The following TRPM6 variants were observed in gnomAD, a reference collection of about 807,000 sequenced individuals.
TRPM6 encodes transient receptor potential cation channel subfamily M member 6, also known as channel kinase 2.
In TRPM6, 111 loss-of-function variants were observed where a neutral mutation model predicts 247.6. That is an observed-to-expected ratio of 0.45 (90% CI 0.38 to 0.52). The LOEUF (loss-of-function observed/expected upper bound fraction) is 0.52. Ranked by LOEUF, TRPM6 falls within the 20% of genes least tolerant of loss-of-function variation. The probability of loss-of-function intolerance (pLI) is 0.00; values close to 1 mark genes in which losing one functional copy is unlikely to be tolerated. For missense variants in TRPM6, 2,126 were observed against 2,421.5 expected, an observed-to-expected ratio of 0.88 and a Z score of 2.56; for synonymous variants, 892 against 853.8, an observed-to-expected ratio of 1.04 and a Z score of -0.78.
chr9:74,727,323 A>G (rs1436794946), intron 38 of TRPM6, among the ~76,000 whole-genome samples: 1 of 142,928 alleles, frequency 7.0e-6, no homozygotes, highest in Non-Finnish European at 1.5e-5. Flanking sequence ...CGGAGGTTGT[A>G]GTGAGCTGAA....
chr9:74,797,015 C>T (rs1442981822), intron 17 of TRPM6, 122 bp from the exon 18 acceptor site: 12 of 874,374 alleles, frequency 1.4e-5, no homozygotes, highest in East Asian at 8.0e-5. Flanking sequence ...CAATTTTCAT[C>T]GCATTTCTAT....
Position 74,791,447 on chromosome 9 carries a change from C to T in TRPM6, c.2538+1177G>A, listed in dbSNP as rs75184936. ...TAGATAAGCATTAGAAAAATAAATG[C>T]TATGGGAGCACATGTTCTCAGATCT... On this transcript the variant is annotated intron_variant, in intron 19 of 38. Coordinates refer to ENST00000360774, the MANE Select transcript of TRPM6 (RefSeq NM_017662.5). Among the ~76,000 whole-genome samples the T allele has an allele frequency of 7.5e-3, 1,147 of 152,006 alleles. 9 individuals carry two copies. Among genetic ancestry groups the T allele is most frequent in the African/African-American group, 0.026 (1,097 of 41,452 alleles).
intron 3 of TRPM6, among the ~76,000 whole-genome samples, chr9:74,849,384 T>C (rs1830217615): frequency 6.7e-6 from 1 of 148,672 alleles, no homozygotes; most frequent in Admixed American, 6.7e-5. Context: ...TAAGTTAAAT[T>C]AAGTCATAAG....
chr9:74,825,458 C>CGTGT (rs5898381), intron 7 of TRPM6, among the ~76,000 whole-genome samples: 106 of 148,682 alleles, frequency 7.1e-4, no homozygotes, highest in African/African-American at 1.9e-3. Context: ...CTCTTTCTTC[C>CGTGT]GTGTGTGTGT....
At chr9:74,871,729 G>A (rs1831037188) in intron 1 of TRPM6, among the ~76,000 whole-genome samples, 2 of 151,472 alleles carry the variant, frequency 1.3e-5, no homozygotes, top group African/African-American at 4.8e-5. Context: ...CTTTTTTTTT[G>A]AGAGGGGGTC....
chr9:74,754,073 A>AAT (rs930754904), intron 28 of TRPM6, among the ~76,000 whole-genome samples: 1 of 150,644 alleles, frequency 6.6e-6, no homozygotes, highest in Admixed American at 6.6e-5. Flanking sequence ...TATAATACCT[A>AAT]ATATATATAA....
At chr9:74,874,722 A>G (rs1346437623) in intron 1 of TRPM6, among the ~76,000 whole-genome samples, 2 of 151,906 alleles carry the variant, frequency 1.3e-5, no homozygotes, top group African/African-American at 4.8e-5. Context: ...TTTTTTAAGA[A>G]TGTGTCACTC....
intron 3 of TRPM6, among the ~76,000 whole-genome samples, chr9:74,846,378 G>A (rs959793184): frequency 2.0e-5 from 3 of 151,852 alleles, no homozygotes; most frequent in Non-Finnish European, 4.4e-5. Context: ...TTGCAAGAAC[G>A]GCCCTATCAT....
At chr9:74,797,563 TC>T (rs1248336354) in intron 17 of TRPM6, among the ~76,000 whole-genome samples, 1 of 152,200 alleles carries the variant, frequency 6.6e-6, no homozygotes, top group Non-Finnish European at 1.5e-5. Flanking sequence ...GGGGTGTTTT[TC>T]CAAATATTTT....
intron 18 of TRPM6, among the ~76,000 whole-genome samples, chr9:74,795,398 C>T (rs1828054852): frequency 6.6e-6 from 1 of 152,220 alleles, no homozygotes; most frequent in South Asian, 2.1e-4. Context: ...TCTACATGAT[C>T]TAGCCTCAAT....
intron 1 of TRPM6, among the ~76,000 whole-genome samples, chr9:74,874,707 T>TC (rs1287025720): frequency 6.6e-6 from 1 of 151,970 alleles, no homozygotes. Context: ...TTTTTCTTTT[T>TC]CTTTTTTTTT....
At chr9:74,772,911 G>C (rs571907565) in intron 24 of TRPM6, among the ~76,000 whole-genome samples, 1 of 152,012 alleles carries the variant, frequency 6.6e-6, no homozygotes, top group East Asian at 1.9e-4. Context: ...TCTCTGTACC[G>C]GGGAGCTTCT....
intron 1 of TRPM6, among the ~76,000 whole-genome samples, chr9:74,863,191 T>A (rs1026970554): frequency 6.6e-6 from 1 of 151,252 alleles, no homozygotes; most frequent in African/African-American, 2.4e-5. Flanking sequence ...GGATTACAGG[T>A]TCCTGCCACC....
Position 74,761,798 on chromosome 9 carries a change from G to T in TRPM6, c.4683C>A (p.Gly1561=). ...MKICKIKNLS[G]SSEIGQGAWV... ...ATGCTCCCTGCCCTATTTCTGAAGAGCCTGAAAGATCTGCAAGGAAATGGT... is the reference window on the plus strand; with the variant it reads ...ATGCTCCCTGCCCTATTTCTGAAGATCCTGAAAGATCTGCAAGGAAATGGT... The change falls in exon 27 of 39, where the codon GGC becomes GGA. Residue 1561 remains glycine (G), a synonymous_variant. Transcript: ENST00000360774. 6.2e-7 allele frequency: 1 copy of T among 1,612,226 alleles called. No homozygotes were observed. The highest frequency in any genetic ancestry group is 1.1e-5 in the South Asian group (1 of 91,044).
At position 74,723,867 on chromosome 9, in the gene TRPM6, T is replaced by C. The variant is rs1247881616; in HGVS notation, c.*746A>G. 1.4e-5 allele frequency: 2 copies of C among 146,080 alleles called. No homozygotes were observed. Among genetic ancestry groups the C allele is most frequent in the East Asian group, 2.1e-4 (1 of 4,704 alleles). The allele number at this position is 146,080 out of a possible 1,614,324, so 9.0% of individuals were successfully genotyped here. A position where few individuals can be genotyped will look rare whatever the true frequency, so the allele number is the denominator to read the frequency against. ...ATATGTATTTTATATATATAATATATATATTCCATATATATTATATATATA... is the reference window on the plus strand; with the variant it reads ...ATATGTATTTTATATATATAATATACATATTCCATATATATTATATATATA... On this transcript the variant is annotated 3_prime_UTR_variant, in exon 39 of 39. Transcript: ENST00000360774.
At chr9:74,744,033 T>C in intron 32 of TRPM6, 62 bp downstream of exon 32, 2 of 1,533,926 alleles carry the variant, frequency 1.3e-6, no homozygotes, top group Non-Finnish European at 1.8e-6. Flanking sequence ...TGTTTCTGTT[T>C]ACAAATGCAG....
chr9:74,827,977 T>C (rs1303203273), intron 6 of TRPM6, 28 bp from the exon 7 acceptor site: 4 of 1,611,436 alleles, frequency 2.5e-6, no homozygotes, highest in Non-Finnish European at 3.4e-6. Flanking sequence ...CAAGGGAGGG[T>C]CAGAGCTCTA....
chr9:74,802,110 AG>A lies in TRPM6; in HGVS notation c.1796del (p.Pro599LeufsTer19). On this transcript the variant is annotated frameshift_variant, in exon 16 of 39. Transcript: ENST00000360774. LOFTEE classifies it high-confidence loss of function. The stretch of plus-strand genomic sequence containing the variant: ...AAGGGTAAAGAAAGCCAGTAGACTC[AG>A]GGTCATCTGATACATTTTGTTCTTT... ...KSKEQNVSDD[P>X]ESTGFLYPYN... The A allele has an allele frequency of 1.2e-6, 2 of 1,614,140 alleles. No individual in the cohort carries two copies. Among genetic ancestry groups the A allele is most frequent in the Non-Finnish European group, 1.7e-6 (2 of 1,179,978 alleles).
chr9:74,807,182 A>C (rs897918402), intron 14 of TRPM6, among the ~76,000 whole-genome samples: 5 of 152,152 alleles, frequency 3.3e-5, no homozygotes, highest in African/African-American at 1.2e-4. Context: ...TTTATAAAGG[A>C]TCCCAAGTAG....
Sources: gnomAD v4.1 joint callset for allele counts (sites outside exome capture counted in the v4.1 genomes callset) on GRCh38, gnomAD v4.1.1 for gene constraint, MANE v1.5 for transcripts, NCBI Gene and HGNC (gene_info 2026-07-23, HGNC 2026-07-21) for gene names.